USP54: variants seen among roughly 807,000 people sequenced by gnomAD.
USP54 encodes ubiquitin specific peptidase 54.
In USP54, 87 loss-of-function variants were observed where a neutral mutation model predicts 170.5. The observed-to-expected ratio is 0.51, with a 90% confidence interval of 0.43 to 0.61. The LOEUF (loss-of-function observed/expected upper bound fraction) is 0.61. Among genes scored for constraint, USP54 ranks in the 20% least tolerant of loss-of-function variants. The probability of loss-of-function intolerance (pLI) is 0.00; values close to 1 mark genes in which losing one functional copy is unlikely to be tolerated. For synonymous variants in USP54, 655 were observed against 742.8 expected (o/e 0.88, Z 1.92); for missense variants, 1,786 against 2,047.8 (o/e 0.87, Z 2.47).
At chr10:73,549,372 C>T (rs1356632850) in intron 4 of USP54, among the ~76,000 whole-genome samples, 1 of 152,226 alleles carries the variant, frequency 6.6e-6, no homozygotes, top group Non-Finnish European at 1.5e-5. Flanking sequence ...CCTAATGTAT[C>T]TAACTATATA....
chr10:73,596,919 A>G (rs953307571), intron 1 of USP54, among the ~76,000 whole-genome samples: 1 of 152,176 alleles, frequency 6.6e-6, no homozygotes, highest in African/African-American at 2.4e-5. Flanking sequence ...AGAATCATAC[A>G]CTAAAGCTGC....
intron 1 of USP54, among the ~76,000 whole-genome samples, chr10:73,580,236 T>G (rs186916978): frequency 1.3e-3 from 199 of 151,028 alleles, no homozygotes; most frequent in Admixed American, 3.4e-3. Context: ...GGAGAATTGC[T>G]TGAAACCAGG....
chr10:73,567,383 G>A (rs920755273), intron 4 of USP54, among the ~76,000 whole-genome samples: 3 of 152,096 alleles, frequency 2.0e-5, no homozygotes, highest in African/African-American at 2.4e-5. Context: ...TATAGAAACC[G>A]TACTGGGCTG....
chr10:73,520,127 C>T (rs1166700876), intron 18 of USP54, 135 bp from the exon 19 acceptor site: 2 of 1,251,530 alleles, frequency 1.6e-6, no homozygotes, highest in Admixed American at 2.3e-5. Flanking sequence ...AGGCATGGAC[C>T]ATGCATATGC....
intron 10 of USP54, 53 bp downstream of exon 10, chr10:73,539,391 T>C (rs1210143699): frequency 3.5e-6 from 5 of 1,444,722 alleles, no homozygotes; most frequent in Non-Finnish European, 3.7e-6. Context: ...CAAATGATTA[T>C]TCTTTTTTTT....
chr10:73,624,189 TATATATGTA>T lies in USP54; in HGVS notation c.-18+1369_-18+1377del, dbSNP rs1156661183. 2.8e-4 allele frequency among the ~76,000 whole-genome samples: 35 copies of T among 126,770 alleles called. 1 individual carries two copies. The highest frequency in any genetic ancestry group is 9.4e-4 in the African/African-American group (33 of 34,992). 83.2% of individuals were successfully genotyped at this position (126,770 alleles called of 152,430 possible). A position where few individuals can be genotyped will look rare whatever the true frequency, so the allele number is the denominator to read the frequency against. ...ATATATATATATATATATATATATATATATATGTATTTTTTTTTTTTTTTTTGAGACGGA... is the reference window on the plus strand; with the variant it reads ...ATATATATATATATATATATATATATTTTTTTTTTTTTTTTTTGAGACGGA... On this transcript the variant is annotated intron_variant, in intron 1 of 22. Transcript: ENST00000339859.
intron 1 of USP54, among the ~76,000 whole-genome samples, chr10:73,617,084 G>A (rs2132339370): frequency 6.6e-6 from 1 of 150,590 alleles, no homozygotes; most frequent in South Asian, 2.1e-4. Context: ...GATCACCTAA[G>A]GTCGGGAGTT....
intron 1 of USP54, among the ~76,000 whole-genome samples, chr10:73,624,903 G>C (rs779321052): frequency 5.1e-4 from 77 of 152,066 alleles, no homozygotes; most frequent in Non-Finnish European, 4.9e-4. Flanking sequence ...GCACACTTTA[G>C]GAACACCAGG....
chr10:73,580,318 CAAA>C (rs550717480), intron 1 of USP54, among the ~76,000 whole-genome samples: 3 of 64,390 alleles, frequency 4.7e-5, no homozygotes, highest in African/African-American at 5.4e-5. Flanking sequence ...GACCCCATTT[CAAA>C]AAAAAAAAAA....
At position 73,518,292 on chromosome 10, in the gene USP54, AAT is replaced by A. The variant is rs535256216; in HGVS notation, c.2679-547_2679-546del. On this transcript the variant is annotated intron_variant, in intron 19 of 23. Transcript: ENST00000687698. ...GAATACACAGAAATTAACCATTTCAAATATGTTTTTATAATCTGGATTTTGTT... is the reference window on the plus strand; with the variant it reads ...GAATACACAGAAATTAACCATTTCAAATGTTTTTATAATCTGGATTTTGTT... 10 of 953,436 alleles carry A rather than the reference AAT, an allele frequency of 1.0e-5. No individual in the cohort carries two copies. The East Asian group carries it at 1.0e-3, about 99-fold the overall frequency. 59.1% of individuals were successfully genotyped at this position (953,436 alleles called of 1,614,324 possible).
intron 1 of USP54, among the ~76,000 whole-genome samples, chr10:73,588,614 C>G (rs1015721027): frequency 6.6e-6 from 1 of 152,286 alleles, no homozygotes; most frequent in East Asian, 1.9e-4. Flanking sequence ...CCTCTCTAAT[C>G]CCATCTATAC....
Position 73,516,654 on chromosome 10 carries a change from AG to A in USP54, c.3771del (p.Leu1258CysfsTer7). ...ATATTCACCCAGGAATCCAAAGGCA[AG>A]GAAGTCCCCAAGTCAGTACTGCTGC... ...DLGSSTDLGT[S>X]LPLDSWVNIT... On this transcript the variant is annotated frameshift_variant, in exon 20 of 24. Transcript: ENST00000687698. LOFTEE classifies it high-confidence loss of function. The A allele has an allele frequency of 6.2e-7, 1 of 1,614,234 alleles. No individual in the cohort carries two copies. The highest frequency in any genetic ancestry group is 8.5e-7 in the Non-Finnish European group (1 of 1,180,032).
Position 73,517,578 on chromosome 10 carries a change from T to C in USP54, c.2848A>G (p.Arg950Gly), listed in dbSNP as rs1490649728. The C allele has an allele frequency of 1.9e-6, 3 of 1,614,178 alleles. No homozygotes were observed. In the Admixed American group the frequency reaches 5.0e-5, roughly 27 times the overall value. The change falls in exon 20 of 24, where the codon AGA becomes GGA. Residue 950 changes from arginine to glycine, a missense_variant. Physicochemically the swap from Arg to Gly is moderately radical, Grantham distance 125. Coordinates refer to ENST00000687698, the MANE Select transcript of USP54 (RefSeq NM_001391956.1). Reference sequence around the variant, plus strand: ...GAAGTCAGAAGCTTCAAGGCAGATCTACTGGGGGAGCTGTGCTGTGGGGCA... The same window carrying C: ...GAAGTCAGAAGCTTCAAGGCAGATCCACTGGGGGAGCTGTGCTGTGGGGCA... ...SSAPQHSSPS[R>G]SALKLLTSVE...
chr10:73,569,940 A>C (rs1418231030), intron 4 of USP54, among the ~76,000 whole-genome samples: 3 of 134,424 alleles, frequency 2.2e-5, no homozygotes, highest in African/African-American at 9.4e-5. Context: ...AAAAAAAAAA[A>C]CACCCTCCAT....
At chr10:73,575,317 T>G (rs2075965267) in intron 3 of USP54, among the ~76,000 whole-genome samples, 195 bp downstream of exon 3, 1 of 152,170 alleles carries the variant, frequency 6.6e-6, no homozygotes, top group Non-Finnish European at 1.5e-5. Context: ...AATCCCTCTT[T>G]TTTACAAATG....
At position 73,523,746 on chromosome 10, in the gene USP54, C is replaced by G. The variant is rs1325259299; in HGVS notation, c.2199G>C (p.Glu733Asp). The stretch of plus-strand genomic sequence containing the variant: ...CCAGTTCACTTTTAGAAGATATCTC[C>G]TCACCTGTAATATAAGCAAGGGAGA... ...GWTKSQPFSGEEISSKSELDE... is the reference protein window; with the variant it reads ...GWTKSQPFSGDEISSKSELDE... The change falls in exon 17 of 24, where the codon GAG becomes GAC. Residue 733 changes from glutamate (E) to aspartate (D), a missense_variant. Glu to Asp is a conservative substitution (Grantham distance 45). Coordinates refer to ENST00000687698, the MANE Select transcript of USP54 (RefSeq NM_001391956.1). 6.2e-7 allele frequency: 1 copy of G among 1,612,108 alleles called. No individual in the cohort carries two copies. Among genetic ancestry groups the G allele is most frequent in the Non-Finnish European group, 8.5e-7 (1 of 1,178,798 alleles).
Position 73,520,931 on chromosome 10 carries a change from A to G in USP54, c.2459T>C (p.Leu820Ser). ...LEQKGDCAAA[L>S]ALCNEAISKL... ...ACAGATAGCTTCATTACAGAGAGCC[A>G]AAGCTGCAGCACAGTCTCCTTTCTG... is the stretch of plus-strand genomic sequence containing the variant. The change falls in exon 18 of 24, where the codon TTG becomes TCG. Residue 820 changes from leucine (L) to serine (S), a missense_variant. This residue lies in a region of USP54 where 1,418 missense variants were observed against 1,569.0 expected (regional missense o/e 0.90). Coordinates refer to ENST00000687698, the MANE Select transcript of USP54 (RefSeq NM_001391956.1). 1.9e-6 allele frequency: 3 copies of G among 1,614,202 alleles called. No individual in the cohort carries two copies. Among genetic ancestry groups the G allele is most frequent in the Non-Finnish European group, 2.5e-6 (3 of 1,180,050 alleles).
chr10:73,531,228 T>C (rs972823210), intron 12 of USP54, among the ~76,000 whole-genome samples: 8 of 151,346 alleles, frequency 5.3e-5, no homozygotes, highest in African/African-American at 1.7e-4. Context: ...ACCCAGGAGG[T>C]TGCAGTGAGC....
At chr10:73,507,669 CAAAAAAAAAAA>C (rs913305815) in intron 20 of USP54, among the ~76,000 whole-genome samples, 1 of 22,470 alleles carries the variant, frequency 4.5e-5, no homozygotes, top group Non-Finnish European at 8.5e-5. Flanking sequence ...GACTCCGTCG[CAAAAAAAAAAA>C]AAAAAAAAAA....
Sources: gnomAD v4.1 joint callset for allele counts (sites outside exome capture counted in the v4.1 genomes callset) on GRCh38, gnomAD v4.1.1 for gene constraint, gnomAD v4.1.1 regional missense constraint, MANE v1.5 for transcripts, NCBI Gene and HGNC (gene_info 2026-07-23, HGNC 2026-07-21) for gene names.